Variants in PCBP3 observed in about 807,000 individuals in gnomAD.
PCBP3 encodes the protein poly(rC)-binding protein 3.
A neutral mutation model predicts 52.7 loss-of-function variants in PCBP3; 25 were observed. The observed-to-expected ratio is 0.47, with a 90% CI of 0.35 to 0.66. The LOEUF (loss-of-function observed/expected upper bound fraction) is 0.66. PCBP3 is among the 30% of genes least tolerant of loss of function. PCBP3 has a pLI of 0.01. For synonymous variants in PCBP3, 162 were observed against 183.0 expected (o/e 0.89, Z 0.93); for missense variants, 391 against 490.3 (o/e 0.80, Z 1.91).
rs1221862927 is a variant in PCBP3 at position 45,929,384 on chromosome 21, A to G, written c.718-533A>G. 3.9e-5 allele frequency among the ~76,000 whole-genome samples: 6 copies of G among 152,306 alleles called. No homozygotes were observed. The East Asian group carries it at 1.2e-3, about 29-fold the overall frequency. ...GCCCCTCAGGTGTTCCCCCCACCCC[A>G]GGTCACCTCATGGGTAAAGCAAGGC... On this transcript the variant is annotated intron_variant, in intron 13 of 17. Transcript: ENST00000681687.
intron 4 of PCBP3, among the ~76,000 whole-genome samples, chr21:45,789,196 GTGTC>G (rs1371279187): frequency 6.6e-6 from 1 of 152,208 alleles, no homozygotes; most frequent in Non-Finnish European, 1.5e-5. Flanking sequence ...GTGCATGTGT[GTGTC>G]TGCACATGCA....
intron 13 of PCBP3, chr21:45,918,521 G>C (rs77979974): frequency 4.8e-4 from 25 of 52,202 alleles, no homozygotes; most frequent in African/African-American, 1.9e-3. Context: ...TCAGATAAAC[G>C]GTCGGTGTAA....
chr21:45,874,608 C>T (rs1475245060), intron 5 of PCBP3, among the ~76,000 whole-genome samples: 2 of 151,030 alleles, frequency 1.3e-5, no homozygotes, highest in South Asian at 2.1e-4. Flanking sequence ...CAGGTTCAAA[C>T]GATTCTCCTG....
intron 4 of PCBP3, among the ~76,000 whole-genome samples, chr21:45,783,557 G>T (rs574601011): frequency 3.1e-4 from 47 of 152,290 alleles, no homozygotes; most frequent in African/African-American, 1.1e-3. Context: ...AGAGAGTGGC[G>T]GTGGCCTCCC....
chr21:45,738,127 G>GTA (rs971915089), intron 3 of PCBP3, among the ~76,000 whole-genome samples: 11 of 152,298 alleles, frequency 7.2e-5, no homozygotes, highest in African/African-American at 2.6e-4. Flanking sequence ...CTAGCCCCAT[G>GTA]TAGGGGCTGT....
chr21:45,722,806 T>C (rs1296627916), intron 2 of PCBP3, among the ~76,000 whole-genome samples: 3 of 151,798 alleles, frequency 2.0e-5, no homozygotes, highest in Non-Finnish European at 2.9e-5. Context: ...ATTGAGACCA[T>C]CCTGGCTAAC....
chr21:45,887,366 A>G (rs1250028179), intron 5 of PCBP3, among the ~76,000 whole-genome samples: 1 of 152,232 alleles, frequency 6.6e-6, no homozygotes, highest in Non-Finnish European at 1.5e-5. Context: ...CAGATGCCGG[A>G]GCTGCTGGGG....
intron 2 of PCBP3, among the ~76,000 whole-genome samples, chr21:45,679,409 C>T (rs2081689165): frequency 6.6e-6 from 1 of 152,142 alleles, no homozygotes; most frequent in Non-Finnish European, 1.5e-5. Context: ...GTGTGAGCCA[C>T]CACGCCTGGC....
At chr21:45,728,564 T>C (rs1039551952) in intron 2 of PCBP3, 2 of 152,240 alleles carry the variant, frequency 1.3e-5, no homozygotes, top group Non-Finnish European at 2.9e-5. Context: ...TTTTTTATCA[T>C]GTTAATGCTT....
chr21:45,883,649 T>A (rs1295576016), intron 5 of PCBP3, among the ~76,000 whole-genome samples: 1 of 152,266 alleles, frequency 6.6e-6, no homozygotes. Context: ...CTGTCTCTGA[T>A]CATTTTCATT....
chr21:45,871,255 A>C (rs1203103797), intron 5 of PCBP3: 1 of 126,878 alleles, frequency 7.9e-6, no homozygotes. Context: ...GGCACCCCCC[A>C]GGGAAGGCCG....
At chr21:45,925,766 A>G (rs1436772552) in intron 13 of PCBP3, among the ~76,000 whole-genome samples, 1 of 152,258 alleles carries the variant, frequency 6.6e-6, no homozygotes, top group Non-Finnish European at 1.5e-5. Context: ...AGCTCACAAG[A>G]AGATATAATT....
chr21:45,896,498 T>C lies in PCBP3; in HGVS notation c.165+136T>C, dbSNP rs538906893. On this transcript the variant is annotated intron_variant, in intron 6 of 17. Transcript: ENST00000681687. ...ACCGGAGATGCACTGCCCGGGCCAT[T>C]GTCTCTGTAGGAAAGGCAGACATGG... 4 of 850,692 alleles carry C rather than the reference T, an allele frequency of 4.7e-6. No individual in the cohort carries two copies. In the East Asian group the frequency reaches 8.0e-5, roughly 17 times the overall value. The allele number at this position is 850,692 out of a possible 1,614,324, so 52.7% of individuals were successfully genotyped here.
chr21:45,818,541 TGTTTTGTAAGAAACTGCCACA>T (rs766993181), intron 4 of PCBP3, among the ~76,000 whole-genome samples: 24 of 152,358 alleles, frequency 1.6e-4, no homozygotes, highest in South Asian at 6.2e-4. Flanking sequence ...ATTTGCAGAA[TGTTTTGTAAGAAACTGCCACA>T]GTTTTGTAAG....
rs537913583 is a variant in PCBP3, at chr21:45,817,635, C to T, written c.-125-32326C>T. Among the ~76,000 whole-genome samples, 4 of 152,216 alleles carry T rather than the reference C, an allele frequency of 2.6e-5. No individual in the cohort carries two copies. The South Asian group carries it at 8.3e-4, about 32-fold the overall frequency. ...ACAGTGGACGCAGCTAGAAAGCAGC[C>T]GGCGAGGAGCTCAGCGTGTGTCTCC... On this transcript the variant is annotated intron_variant, in intron 4 of 17. Coordinates refer to ENST00000681687, the MANE Select transcript of PCBP3 (RefSeq NM_001384156.1). The surrounding 1 kb of genome is among the most constrained non-coding windows in gnomAD (Gnocchi z 4.3).
intron 4 of PCBP3, among the ~76,000 whole-genome samples, chr21:45,799,448 T>C (rs1488131587): frequency 6.6e-6 from 1 of 152,224 alleles, no homozygotes; most frequent in Non-Finnish European, 1.5e-5. Flanking sequence ...TTATTGTTAA[T>C]CTTCCTCTGT....
intron 1 of PCBP3, among the ~76,000 whole-genome samples, chr21:45,658,749 G>C (rs1569084948): frequency 6.6e-6 from 1 of 152,102 alleles, no homozygotes; most frequent in Non-Finnish European, 1.5e-5. Context: ...AAGGATTGGT[G>C]TTCATTCTTT....
Position 45,936,523 on chromosome 21 carries a change from G to A in PCBP3, c.909+1218G>A, listed in dbSNP as rs534975716. Among the ~76,000 whole-genome samples, 4 of 152,332 alleles carry A rather than the reference G, an allele frequency of 2.6e-5. No individual in the cohort carries two copies. In the South Asian group the frequency reaches 6.2e-4, roughly 24 times the overall value. On this transcript the variant is annotated intron_variant, in intron 16 of 17. Coordinates refer to ENST00000681687, the MANE Select transcript of PCBP3 (RefSeq NM_001384156.1). ...CAGCAGCACAGAGCCATCTCCCCAGGTGTGGGGTGGCACAGCCAACTGGTC... is the reference window on the plus strand; with the variant it reads ...CAGCAGCACAGAGCCATCTCCCCAGATGTGGGGTGGCACAGCCAACTGGTC...
intron 4 of PCBP3, among the ~76,000 whole-genome samples, chr21:45,794,877 C>T (rs576875954): frequency 4.0e-5 from 6 of 150,844 alleles, no homozygotes; most frequent in South Asian, 2.1e-4. Context: ...TGCAGTGAGC[C>T]GAGATTGCGC....
Sources: gnomAD v4.1 joint callset for allele counts (sites outside exome capture counted in the v4.1 genomes callset) on GRCh38, gnomAD v4.1.1 for gene constraint, Gnocchi (gnomAD v3.1) non-coding constraint, MANE v1.5 for transcripts, NCBI Gene and HGNC (gene_info 2026-07-23, HGNC 2026-07-21) for gene names.